Variants in NKAIN3 observed in about 807,000 individuals in gnomAD.
NKAIN3 encodes sodium/potassium transporting ATPase interacting 3, also known as sodium/potassium-transporting ATPase subunit beta-1-interacting protein 3.
NKAIN3 carries 25 observed loss-of-function variants against 30.2 expected under a neutral mutation model. That is an observed-to-expected ratio of 0.83 (90% CI 0.60 to 1.16). The LOEUF is 1.16. NKAIN3 is among the 50% of genes most tolerant of loss of function. The pLI is 0.00. For synonymous variants in NKAIN3, 91 were observed against 89.6 expected, an observed-to-expected ratio of 1.02 and a Z score of -0.09; for missense variants, 225 against 254.1, an observed-to-expected ratio of 0.89 and a Z score of 0.78.
chr8:62,353,451 A>G (rs1368275905), intron 1 of NKAIN3, among the ~76,000 whole-genome samples: 2 of 152,184 alleles, frequency 1.3e-5, no homozygotes, highest in African/African-American at 4.8e-5. Context: ...CACTTTGCAT[A>G]CTTGTATTTA....
At position 62,929,964 on chromosome 8, in the gene NKAIN3, G is replaced by A. The variant is rs115947696; in HGVS notation, c.532+11451G>A. Among the ~76,000 whole-genome samples, 1,286 of 152,258 alleles carry A rather than the reference G, an allele frequency of 8.4e-3. 19 individuals carry two copies. The highest frequency in any genetic ancestry group is 0.029 in the African/African-American group (1,224 of 41,530). ...CAAAAAATTAGACACCACTGCTCTA[G>A]ATGCTACATAGAACTTTAAGTATTC... On this transcript the variant is annotated intron_variant, in intron 5 of 6. Coordinates refer to ENST00000623646, the MANE Select transcript of NKAIN3 (RefSeq NM_001304533.3).
intron 3 of NKAIN3, among the ~76,000 whole-genome samples, chr8:62,673,094 C>G (rs538152538): frequency 6.6e-6 from 1 of 152,090 alleles, no homozygotes; most frequent in Non-Finnish European, 1.5e-5. Flanking sequence ...CAAGGTCCAA[C>G]GGTTAGTAAA....
intron 1 of NKAIN3, among the ~76,000 whole-genome samples, chr8:62,341,977 T>A (rs888165865): frequency 2.6e-5 from 4 of 152,048 alleles, no homozygotes; most frequent in African/African-American, 9.7e-5. Flanking sequence ...TGAAAGCTAA[T>A]AAACTATAAA....
chr8:62,617,569 GC>G (rs1330189974), intron 3 of NKAIN3, among the ~76,000 whole-genome samples: 4 of 152,182 alleles, frequency 2.6e-5, no homozygotes, highest in Non-Finnish European at 1.5e-5. Context: ...TACTCAGGGA[GC>G]TTGTTTCCTC....
intron 1 of NKAIN3, among the ~76,000 whole-genome samples, chr8:62,429,495 G>A (rs1164511321): frequency 6.6e-6 from 1 of 151,560 alleles, no homozygotes; most frequent in Admixed American, 6.6e-5. Flanking sequence ...ATAGGTTATT[G>A]ACTTCAGTTT....
intron 1 of NKAIN3, among the ~76,000 whole-genome samples, chr8:62,409,289 G>T (rs1418672263): frequency 6.6e-6 from 1 of 152,100 alleles, no homozygotes; most frequent in Non-Finnish European, 1.5e-5. Flanking sequence ...GGTTAAAGCA[G>T]TTCTCCTTCC....
intron 1 of NKAIN3, among the ~76,000 whole-genome samples, chr8:62,500,720 A>G (rs1025754347): frequency 6.6e-6 from 1 of 152,162 alleles, no homozygotes; most frequent in Non-Finnish European, 1.5e-5. Context: ...GGACAAGGAT[A>G]CTGCCGGGAC....
intron 3 of NKAIN3, among the ~76,000 whole-genome samples, chr8:62,731,680 C>T (rs989044653): frequency 1.3e-5 from 2 of 152,034 alleles, no homozygotes; most frequent in African/African-American, 4.8e-5. Context: ...AAAAGTTAGC[C>T]CCCGAAACCG....
chr8:62,675,603 A>T (rs1813449051), intron 3 of NKAIN3, among the ~76,000 whole-genome samples: 2 of 152,156 alleles, frequency 1.3e-5, no homozygotes, highest in African/African-American at 4.8e-5. Context: ...GGGGACTCTA[A>T]GATTCCAGTG....
chr8:62,599,680 A>G (rs1007104712), intron 3 of NKAIN3, among the ~76,000 whole-genome samples: 10 of 152,096 alleles, frequency 6.6e-5, no homozygotes, highest in Non-Finnish European at 1.3e-4. Flanking sequence ...AAAATATGAA[A>G]GAGTCCCTTG....
intron 1 of NKAIN3, among the ~76,000 whole-genome samples, chr8:62,564,002 A>G (rs537279100): frequency 1.3e-5 from 2 of 152,328 alleles, no homozygotes; most frequent in African/African-American, 4.8e-5. Context: ...ATCAAAGGAC[A>G]GAGAAAGCCC....
intron 3 of NKAIN3, among the ~76,000 whole-genome samples, chr8:62,597,253 GTTAGGGCCTTCT>G (rs965098568): frequency 6.6e-6 from 1 of 152,080 alleles, no homozygotes; most frequent in Non-Finnish European, 1.5e-5. Context: ...TGGGGCTTGG[GTTAGGGCCTTCT>G]TTAGGGCCTG....
intron 6 of NKAIN3, among the ~76,000 whole-genome samples, chr8:62,958,299 T>C (rs557422242): frequency 1.3e-5 from 2 of 152,214 alleles, no homozygotes; most frequent in South Asian, 4.1e-4. Context: ...ATCGAGATGC[T>C]TTCAGTGGTG....
At chr8:62,845,285 T>TTAGATATATATATATATA (rs1554583725) in intron 4 of NKAIN3, among the ~76,000 whole-genome samples, 1 of 68,928 alleles carries the variant, frequency 1.5e-5, no homozygotes, top group Admixed American at 1.6e-4. Context: ...GGATAGTAGA[T>TTAGATATATATATATATA]TATATATATA....
chr8:62,986,976 T>A (rs893253431), downstream of NKAIN3, among the ~76,000 whole-genome samples: 1 of 152,246 alleles, frequency 6.6e-6, no homozygotes, highest in Non-Finnish European at 1.5e-5. Flanking sequence ...TGCTCTTTCA[T>A]GCTTATATGA....
chr8:62,917,790 T>C (rs1034655501), intron 4 of NKAIN3, among the ~76,000 whole-genome samples: 10 of 152,190 alleles, frequency 6.6e-5, no homozygotes, highest in African/African-American at 2.4e-4. Context: ...TGTCTTTGGC[T>C]CCATGGAATA....
chr8:62,829,733 A>G (rs887493641), intron 4 of NKAIN3, among the ~76,000 whole-genome samples: 2 of 116,078 alleles, frequency 1.7e-5, no homozygotes, highest in Non-Finnish European at 3.7e-5. Context: ...TGTTAACTAG[A>G]TAGATAGATG....
chr8:62,820,729 G>C (rs1818823066), intron 4 of NKAIN3, among the ~76,000 whole-genome samples: 2 of 152,018 alleles, frequency 1.3e-5, no homozygotes, highest in Admixed American at 1.3e-4. Context: ...TATTGTCTAG[G>C]GTAATTTCAG....
chr8:62,445,591 A>G (rs563593757), intron 1 of NKAIN3, among the ~76,000 whole-genome samples: 1 of 152,266 alleles, frequency 6.6e-6, no homozygotes, highest in East Asian at 1.9e-4. Context: ...GTGAAATACA[A>G]GTTGGGGAGG....
Sources: allele counts gnomAD v4.1 joint callset (sites outside exome capture counted in the v4.1 genomes callset), GRCh38; gene constraint gnomAD v4.1.1; transcripts MANE v1.5; gene names NCBI Gene and HGNC (gene_info 2026-07-23, HGNC 2026-07-21).